The following CEP112 variants were observed in gnomAD, a reference collection of about 807,000 sequenced individuals.
CEP112 encodes centrosomal protein 112.
CEP112 carries 127 observed loss-of-function variants against 153.0 expected under a neutral mutation model. That is an observed-to-expected ratio of 0.83 (90% CI 0.72 to 0.96). The LOEUF is 0.96. CEP112 is among the 40% of genes least tolerant of loss of function. The pLI is 0.00. For missense variants in CEP112, 1,089 were observed against 1,101.2 expected (o/e 0.99, Z 0.16); for synonymous variants, 358 against 374.4 (o/e 0.96, Z 0.51).
intron 23 of CEP112, among the ~76,000 whole-genome samples, chr17:65,725,303 T>C (rs2050115225): frequency 6.6e-6 from 1 of 152,136 alleles, no homozygotes. Context: ...ATATATTTAG[T>C]AACCAGGGAT....
chr17:65,873,084 C>A (rs1474099231), intron 20 of CEP112: 1 of 152,184 alleles, frequency 6.6e-6, no homozygotes, highest in Non-Finnish European at 1.5e-5. Flanking sequence ...ACTTCAGGCA[C>A]CAGCTTGCAC....
chr17:66,092,909 T>C (rs2068198860), intron 8 of CEP112, among the ~76,000 whole-genome samples: 1 of 152,152 alleles, frequency 6.6e-6, no homozygotes, highest in Admixed American at 6.5e-5. Flanking sequence ...TTGATAACAA[T>C]ATATTCAACA....
intron 17 of CEP112, among the ~76,000 whole-genome samples, chr17:66,004,356 T>G (rs970872282): frequency 3.3e-5 from 5 of 152,072 alleles, no homozygotes; most frequent in African/African-American, 1.2e-4. Flanking sequence ...CTGGGCGTGG[T>G]GGCGTGTGCC....
In CEP112 at chr17:66,022,682, C is replaced by T. The variant is rs188830142; in HGVS notation, c.1656+4819G>A. On this transcript the variant is annotated intron_variant, in intron 16 of 26. Coordinates refer to ENST00000535342, the MANE Select transcript of CEP112 (RefSeq NM_001199165.4). The stretch of plus-strand genomic sequence containing the variant: ...CGAGATCGTGCCACTGCACTCCAGC[C>T]TGGATGACAGAACGAGACTCCGCCT... Among the ~76,000 whole-genome samples the T allele has an allele frequency of 2.0e-3, 259 of 130,816 alleles. 1 individual carries two copies. Among genetic ancestry groups the T allele is most frequent in the Admixed American group, 3.7e-3 (39 of 10,456 alleles). The allele number at this position is 130,816 out of a possible 152,430, so 85.8% of individuals were successfully genotyped here. A position where few individuals can be genotyped will look rare whatever the true frequency, so the allele number is the denominator to read the frequency against.
At chr17:65,680,115 G>C (rs563100711) in intron 24 of CEP112, among the ~76,000 whole-genome samples, 1 of 152,140 alleles carries the variant, frequency 6.6e-6, no homozygotes, top group Non-Finnish European at 1.5e-5. Context: ...AGAGCAGAAA[G>C]GTGGGTGCCA....
At chr17:66,132,956 T>A (rs1019089265) in intron 4 of CEP112, among the ~76,000 whole-genome samples, 193 bp from the exon 5 acceptor site, 3 of 152,032 alleles carry the variant, frequency 2.0e-5, no homozygotes, top group African/African-American at 7.2e-5. Context: ...GGAGAATCAC[T>A]TGAACCTGGG....
chr17:65,865,145 G>A (rs1038691285), intron 20 of CEP112, among the ~76,000 whole-genome samples: 11 of 151,922 alleles, frequency 7.2e-5, no homozygotes, highest in African/African-American at 1.9e-4. Flanking sequence ...AGGCTCAAGC[G>A]ATCCTCCCAC....
chr17:65,734,450 CTG>C (rs1380635723), intron 23 of CEP112, among the ~76,000 whole-genome samples: 1 of 152,128 alleles, frequency 6.6e-6, no homozygotes, highest in Non-Finnish European at 1.5e-5. Flanking sequence ...ATTACATCTA[CTG>C]AGTTTATCAT....
intron 17 of CEP112, among the ~76,000 whole-genome samples, chr17:65,972,635 AGG>A: frequency 6.6e-6 from 1 of 152,234 alleles, no homozygotes; most frequent in Non-Finnish European, 1.5e-5. Context: ...ACCTCTAGCT[AGG>A]CTGGTCAGAA....
intron 4 of CEP112, among the ~76,000 whole-genome samples, chr17:66,156,108 G>T (rs1448010671): frequency 6.6e-6 from 1 of 152,136 alleles, no homozygotes; most frequent in East Asian, 1.9e-4. Flanking sequence ...CCCAGCAGGG[G>T]TCGACAGAAA....
intron 16 of CEP112, among the ~76,000 whole-genome samples, chr17:66,017,922 C>A (rs2064839147): frequency 6.6e-6 from 1 of 151,652 alleles, no homozygotes; most frequent in Admixed American, 6.6e-5. Context: ...ATCTCTTGAA[C>A]CCGAGAGGCA....
At chr17:65,755,285 G>A (rs1006872722) in intron 21 of CEP112, among the ~76,000 whole-genome samples, 2 of 152,094 alleles carry the variant, frequency 1.3e-5, no homozygotes, top group Non-Finnish European at 2.9e-5. Flanking sequence ...CATGCCCAGA[G>A]CAGGAGAAAG....
At chr17:65,843,938 A>G (rs1195309875) in intron 21 of CEP112, among the ~76,000 whole-genome samples, 1 of 152,252 alleles carries the variant, frequency 6.6e-6, no homozygotes, top group Non-Finnish European at 1.5e-5. Flanking sequence ...AAATTAAATC[A>G]TAAAAGGCAA....
At chr17:66,097,669 ATCT>A (rs1385546460) in intron 6 of CEP112, among the ~76,000 whole-genome samples, 6 of 152,268 alleles carry the variant, frequency 3.9e-5, no homozygotes, top group Non-Finnish European at 7.4e-5. Context: ...CTGGGATGAC[ATCT>A]TCTCAGTTTT....
At chr17:65,727,699 T>C (rs1274871047) in intron 23 of CEP112, among the ~76,000 whole-genome samples, 1 of 152,198 alleles carries the variant, frequency 6.6e-6, no homozygotes, top group Non-Finnish European at 1.5e-5. Flanking sequence ...CTCAATGTTG[T>C]AGATGGTGAC....
At chr17:65,702,977 C>T (rs1324098807) in intron 23 of CEP112, among the ~76,000 whole-genome samples, 2 of 152,074 alleles carry the variant, frequency 1.3e-5, no homozygotes, top group Admixed American at 1.3e-4. Context: ...AAGGTGAGAT[C>T]TGGGTGGGGA....
chr17:66,091,863 G>C (rs2068143981), intron 8 of CEP112, among the ~76,000 whole-genome samples: 1 of 152,010 alleles, frequency 6.6e-6, no homozygotes, highest in South Asian at 2.1e-4. Context: ...TGATGCCACA[G>C]ATATACAAAG....
chr17:66,178,469 T>A (rs2072581673), intron 2 of CEP112, among the ~76,000 whole-genome samples: 1 of 152,200 alleles, frequency 6.6e-6, no homozygotes, highest in Non-Finnish European at 1.5e-5. Flanking sequence ...TATTCCCTTG[T>A]CAGATGAATA....
At chr17:66,055,920 T>C (rs1260539036) in intron 11 of CEP112, among the ~76,000 whole-genome samples, 2 of 152,226 alleles carry the variant, frequency 1.3e-5, no homozygotes, top group African/African-American at 2.4e-5. Context: ...GTACCTGCTA[T>C]GTACCAGGCA....
Sources: gnomAD v4.1 joint callset for allele counts (sites outside exome capture counted in the v4.1 genomes callset) on GRCh38, gnomAD v4.1.1 for gene constraint, MANE v1.5 for transcripts, NCBI Gene and HGNC (gene_info 2026-07-23, HGNC 2026-07-21) for gene names.